Variants in NIPBL observed in about 807,000 individuals in gnomAD.
The protein encoded by NIPBL is nipped-B-like protein.
In NIPBL, 19 loss-of-function variants were observed where a neutral mutation model predicts 321.8. The observed-to-expected ratio is 0.06, with a 90% CI of 0.04 to 0.09. The LOEUF is 0.09. Among genes scored for constraint, NIPBL ranks in the 10% least tolerant of loss-of-function variants. The pLI, the probability that NIPBL is intolerant of heterozygous loss-of-function variation, is 1.00. For synonymous variants in NIPBL, 1,106 were observed against 1,114.1 expected, an observed-to-expected ratio of 0.99 and a Z score of 0.14; for missense variants, 2,210 against 3,327.0, an observed-to-expected ratio of 0.66 and a Z score of 8.26.
At chr5:36,931,009 CTCTG>C (rs1749734505) in intron 1 of NIPBL, among the ~76,000 whole-genome samples, 1 of 152,086 alleles carries the variant, frequency 6.6e-6, no homozygotes, top group Non-Finnish European at 1.5e-5. Flanking sequence ...CTTGCATTGT[CTCTG>C]TCTGGCTTTG....
chr5:37,039,948 A>G (rs1752146446), intron 34 of NIPBL, among the ~76,000 whole-genome samples: 1 of 152,182 alleles, frequency 6.6e-6, no homozygotes. Flanking sequence ...TTAGCACAGT[A>G]CCAAGCACTG....
chr5:37,000,460 G>A lies in NIPBL; in HGVS notation c.3392G>A (p.Ser1131Asn), dbSNP rs368022392. 1 of 1,613,456 alleles carries A rather than the reference G, an allele frequency of 6.2e-7. No individual in the cohort carries two copies. Among genetic ancestry groups the A allele is most frequent in the Non-Finnish European group, 8.5e-7 (1 of 1,179,568 alleles). ...AGAAGCTCTGGGGATCATAGGAGAA[G>A]TGGCCACTCTCATGAAGGAAGAAGG... ...DRRSSGDHRRSGHSHEGRRSS... is the reference protein window; with the variant it reads ...DRRSSGDHRRNGHSHEGRRSS... Residue 1131 changes from serine to asparagine, a missense_variant, in exon 12 of 47, where the codon AGT becomes AAT. Around this residue, in one of 14 missense-constraint regions of NIPBL, gnomAD observed 381 missense variants for 642.3 expected, o/e 0.59. Coordinates refer to ENST00000282516, the MANE Select transcript of NIPBL (RefSeq NM_133433.4).
intron 1 of NIPBL, among the ~76,000 whole-genome samples, chr5:36,952,076 G>A (rs571291998): frequency 1.3e-5 from 2 of 148,878 alleles, no homozygotes; most frequent in Non-Finnish European, 3.0e-5. Context: ...GCGCGCGCAT[G>A]TGTGTGTGTA....
At chr5:36,947,769 G>A (rs1160442186) in intron 1 of NIPBL, among the ~76,000 whole-genome samples, 1 of 151,808 alleles carries the variant, frequency 6.6e-6, no homozygotes, top group Non-Finnish European at 1.5e-5. Flanking sequence ...AAGGAGTACA[G>A]ATAGAAATAC....
At chr5:37,055,028 C>T (rs1579592192) in intron 42 of NIPBL, among the ~76,000 whole-genome samples, 2 of 151,974 alleles carry the variant, frequency 1.3e-5, no homozygotes, top group East Asian at 3.9e-4. Flanking sequence ...TAATAAATTA[C>T]TATGATAACA....
intron 21 of NIPBL, among the ~76,000 whole-genome samples, chr5:37,013,160 A>G (rs369745027): frequency 7.0e-6 from 1 of 143,554 alleles, no homozygotes; most frequent in African/African-American, 2.6e-5. Flanking sequence ...GCGGCTGGCC[A>G]GGCGGGGGGC....
At chr5:37,032,062 G>A (rs1320931117) in intron 32 of NIPBL, among the ~76,000 whole-genome samples, 1 of 152,024 alleles carries the variant, frequency 6.6e-6, no homozygotes, top group Non-Finnish European at 1.5e-5. Flanking sequence ...AAATTCTTAG[G>A]CCCTACTCCA....
chr5:37,016,560 A>G (rs1749023350), intron 23 of NIPBL, among the ~76,000 whole-genome samples: 1 of 152,196 alleles, frequency 6.6e-6, no homozygotes, highest in Non-Finnish European at 1.5e-5. Flanking sequence ...CATGTAACAC[A>G]GTAGGTAAAT....
At chr5:36,955,120 A>G (rs892603551) in intron 2 of NIPBL, 4 of 245,180 alleles carry the variant, frequency 1.6e-5, no homozygotes, top group African/African-American at 9.1e-5. Flanking sequence ...TGATTCTGAA[A>G]AATCTTATAA....
intron 1 of NIPBL, among the ~76,000 whole-genome samples, chr5:36,919,824 A>G (rs1294391881): frequency 6.6e-6 from 1 of 152,182 alleles, no homozygotes; most frequent in Non-Finnish European, 1.5e-5. Flanking sequence ...GAATTTAAAT[A>G]CACAAATAGG....
At chr5:37,028,463 C>G (rs1177881699) in intron 32 of NIPBL, among the ~76,000 whole-genome samples, 1 of 151,822 alleles carries the variant, frequency 6.6e-6, no homozygotes, top group African/African-American at 2.4e-5. Flanking sequence ...ACCTCAGCCT[C>G]CCAAGTAGCT....
At chr5:36,933,097 TTATTCCAG>T (rs1157756041) in intron 1 of NIPBL, among the ~76,000 whole-genome samples, 1 of 152,084 alleles carries the variant, frequency 6.6e-6, no homozygotes, top group African/African-American at 2.4e-5. Flanking sequence ...AGTTAAATTT[TTATTCCAG>T]TATAGTAGTA....
chr5:36,952,068 G>GCA (rs1740426149), intron 1 of NIPBL, among the ~76,000 whole-genome samples: 1 of 140,096 alleles, frequency 7.1e-6, no homozygotes, highest in Non-Finnish European at 1.6e-5. Context: ...GCGCGCGCGC[G>GCA]CGCGCATGTG....
chr5:36,901,051 A>G (rs778139240), intron 1 of NIPBL, among the ~76,000 whole-genome samples: 19 of 152,144 alleles, frequency 1.2e-4, no homozygotes, highest in Non-Finnish European at 2.2e-4. Flanking sequence ...TTTGTGACCC[A>G]GGTAATGAGC....
intron 42 of NIPBL, among the ~76,000 whole-genome samples, chr5:37,054,433 C>A (rs1753891061): frequency 6.6e-6 from 1 of 152,112 alleles, no homozygotes; most frequent in Admixed American, 6.5e-5. Context: ...AGTGCTTTTG[C>A]CCTGAAAGGA....
At chr5:36,992,032 A>AGATTGCTTT (rs1745584678) in intron 10 of NIPBL, among the ~76,000 whole-genome samples, 1 of 152,170 alleles carries the variant, frequency 6.6e-6, no homozygotes, top group Non-Finnish European at 1.5e-5. Flanking sequence ...TGGAAATCAA[A>AGATTGCTTT]GATTGCTTAA....
intron 29 of NIPBL, among the ~76,000 whole-genome samples, chr5:37,022,842 T>C (rs1158007118): frequency 2.6e-5 from 4 of 152,224 alleles, no homozygotes; most frequent in African/African-American, 9.6e-5. Context: ...TAAAGCTGAT[T>C]AATGATAGCT....
At chr5:37,039,197 T>C (rs2149722191) in intron 34 of NIPBL, among the ~76,000 whole-genome samples, 1 of 152,058 alleles carries the variant, frequency 6.6e-6, no homozygotes, top group East Asian at 1.9e-4. Context: ...TTCTCCAAAA[T>C]TGAGAGCCAG....
At chr5:36,921,671 G>A (rs1215637214) in intron 1 of NIPBL, among the ~76,000 whole-genome samples, 1 of 152,078 alleles carries the variant, frequency 6.6e-6, no homozygotes, top group East Asian at 1.9e-4. Flanking sequence ...TTTGCCACAG[G>A]AGTAAAATCC....
Sources: allele counts gnomAD v4.1 joint callset (sites outside exome capture counted in the v4.1 genomes callset), GRCh38; gene constraint gnomAD v4.1.1; regional missense constraint gnomAD v4.1.1; transcripts MANE v1.5; gene names NCBI Gene and HGNC (gene_info 2026-07-23, HGNC 2026-07-21).